Variants in FHIT observed in about 807,000 individuals in gnomAD.
FHIT encodes the protein bis(5'-adenosyl)-triphosphatase.
FHIT carries 19 observed loss-of-function variants against 17.9 expected under a neutral mutation model. The observed-to-expected ratio is 1.06, with a 90% CI of 0.74 to 1.56. The LOEUF (loss-of-function observed/expected upper bound fraction) is 1.56, where lower values mean the gene tolerates loss of function less well. Among genes scored for constraint, FHIT ranks in the 40% most tolerant of loss-of-function variants. FHIT has a pLI of 0.00. For missense variants in FHIT, 248 were observed against 189.2 expected, an observed-to-expected ratio of 1.31 and a Z score of -1.82; for synonymous variants, 81 against 69.7, an observed-to-expected ratio of 1.16 and a Z score of -0.81.
chr3:59,861,631 G>T (rs1053733814), intron 8 of FHIT, among the ~76,000 whole-genome samples: 2 of 152,168 alleles, frequency 1.3e-5, no homozygotes, highest in Non-Finnish European at 2.9e-5. Context: ...AAAGGAAGGT[G>T]ATGAATTGCA....
chr3:60,649,962 C>G (rs1372350654), intron 4 of FHIT, among the ~76,000 whole-genome samples: 1 of 152,156 alleles, frequency 6.6e-6, no homozygotes, highest in Non-Finnish European at 1.5e-5. Flanking sequence ...TGTTTTCACA[C>G]AAAATTCCGC....
intron 5 of FHIT, among the ~76,000 whole-genome samples, chr3:60,039,618 T>C (rs1351658541): frequency 6.6e-6 from 1 of 152,220 alleles, no homozygotes; most frequent in African/African-American, 2.4e-5. Flanking sequence ...TTATTTTCAA[T>C]TTCTCTTATT....
intron 5 of FHIT, among the ~76,000 whole-genome samples, chr3:60,058,333 G>T (rs1051519516): frequency 2.2e-4 from 33 of 151,952 alleles, no homozygotes; most frequent in Admixed American, 2.0e-3. Flanking sequence ...GTTTCACCAT[G>T]TTGGGCAGGA....
chr3:60,299,037 ATGT>A (rs1407443951), intron 5 of FHIT, among the ~76,000 whole-genome samples: 1 of 152,094 alleles, frequency 6.6e-6, no homozygotes, highest in Non-Finnish European at 1.5e-5. Context: ...TGCATGGAAA[ATGT>A]TGTAATCCTG....
intron 7 of FHIT, among the ~76,000 whole-genome samples, chr3:59,978,954 A>C (rs1708532260): frequency 6.6e-6 from 1 of 152,018 alleles, no homozygotes; most frequent in Non-Finnish European, 1.5e-5. Context: ...GGGTAGTGAA[A>C]AGTGAGTGTG....
intron 3 of FHIT, among the ~76,000 whole-genome samples, chr3:60,854,373 G>C (rs1247232750): frequency 6.6e-6 from 1 of 152,030 alleles, no homozygotes; most frequent in African/African-American, 2.4e-5. Flanking sequence ...ATTGCTTTCA[G>C]ATGCATTAAT....
intron 2 of FHIT, among the ~76,000 whole-genome samples, chr3:61,101,422 T>C (rs2035823169): frequency 6.6e-6 from 1 of 152,200 alleles, no homozygotes; most frequent in Admixed American, 6.5e-5. Flanking sequence ...GGTCTATCTC[T>C]CTGTTTTGGT....
intron 8 of FHIT, among the ~76,000 whole-genome samples, chr3:59,784,724 C>G (rs953407926): frequency 6.6e-6 from 1 of 152,124 alleles, no homozygotes; most frequent in African/African-American, 2.4e-5. Flanking sequence ...CTTCCTGCAC[C>G]AAGGCTTATT....
chr3:60,888,546 C>A (rs1338949063), intron 3 of FHIT, among the ~76,000 whole-genome samples: 1 of 151,844 alleles, frequency 6.6e-6, no homozygotes. Flanking sequence ...TAAATGATAG[C>A]TTTAGAATAA....
intron 5 of FHIT, among the ~76,000 whole-genome samples, chr3:60,197,182 G>T (rs901314781): frequency 1.3e-5 from 2 of 152,108 alleles, no homozygotes; most frequent in African/African-American, 4.8e-5. Flanking sequence ...AAATGCCACA[G>T]CTTGGAACTA....
rs76392436 is a variant in FHIT, at chr3:60,095,848, T to A, written c.104-81696A>T. 9.2e-5 allele frequency among the ~76,000 whole-genome samples: 14 copies of A among 152,206 alleles called. 1 individual carries two copies. The highest frequency in any genetic ancestry group is 9.2e-4 in the Admixed American group (14 of 15,288). On this transcript the variant is annotated intron_variant, in intron 5 of 9. Coordinates refer to ENST00000492590, the MANE Select transcript of FHIT (RefSeq NM_002012.4). ...TAAACTGAATCCAGCAAAAGTTTAT[T>A]GACTTGGTCCAGAATATTACTGAGC... is the stretch of plus-strand genomic sequence containing the variant.
rs145673834 is a variant in FHIT at position 61,033,996 on chromosome 3, C to T, written c.-111+8051G>A. Among the ~76,000 whole-genome samples, 241 of 152,222 alleles carry T rather than the reference C, an allele frequency of 1.6e-3. 2 individuals are homozygous for T. The highest frequency in any genetic ancestry group is 0.013 in the East Asian group (69 of 5,176). ...TCTACATAGATGCTCAACTAAGGTA[C>T]CAAGTCATTTAATGAAGAAATAATA... On this transcript the variant is annotated intron_variant, in intron 3 of 9. Transcript: ENST00000492590.
intron 2 of FHIT, among the ~76,000 whole-genome samples, chr3:61,050,490 G>A (rs1040204042): frequency 6.6e-6 from 1 of 152,058 alleles, no homozygotes; most frequent in African/African-American, 2.4e-5. Flanking sequence ...AAAATATTAA[G>A]GAATTATTAT....
chr3:61,143,926 T>C (rs986225975), intron 2 of FHIT, among the ~76,000 whole-genome samples: 1 of 152,148 alleles, frequency 6.6e-6, no homozygotes, highest in Admixed American at 6.5e-5. Flanking sequence ...AGTGAAAAAT[T>C]GCATTCTTTT....
At chr3:60,915,764 T>C (rs575660455) in intron 3 of FHIT, among the ~76,000 whole-genome samples, 27 of 152,088 alleles carry the variant, frequency 1.8e-4, no homozygotes, top group Admixed American at 1.2e-3. Flanking sequence ...AAAACAAAAG[T>C]CAAGTACAAT....
At chr3:59,900,417 C>T (rs1298723457) in intron 8 of FHIT, among the ~76,000 whole-genome samples, 1 of 152,172 alleles carries the variant, frequency 6.6e-6, no homozygotes, top group East Asian at 1.9e-4. Context: ...CAAGAAGTTG[C>T]CAAACAAAGA....
intron 5 of FHIT, among the ~76,000 whole-genome samples, chr3:60,374,560 T>A (rs1327473001): frequency 2.7e-5 from 4 of 150,592 alleles, no homozygotes; most frequent in African/African-American, 7.3e-5. Context: ...AGATTTTTTA[T>A]ATGCTAAGAA....
chr3:60,392,963 G>T (rs984620693), intron 5 of FHIT, among the ~76,000 whole-genome samples: 8 of 152,090 alleles, frequency 5.3e-5, no homozygotes, highest in African/African-American at 1.9e-4. Flanking sequence ...AAACAGCTAG[G>T]GAAGCTTCAT....
chr3:60,979,848 C>T (rs780803541), intron 3 of FHIT, among the ~76,000 whole-genome samples: 5 of 152,210 alleles, frequency 3.3e-5, no homozygotes, highest in Non-Finnish European at 7.3e-5. Context: ...ATTTCCATCT[C>T]GGACTTAGTC....
Sources: allele counts gnomAD v4.1 joint callset (sites outside exome capture counted in the v4.1 genomes callset), GRCh38; gene constraint gnomAD v4.1.1; transcripts MANE v1.5; gene names NCBI Gene and HGNC (gene_info 2026-07-23, HGNC 2026-07-21).